The following RBFOX1 variants were observed in gnomAD, a reference collection of about 807,000 sequenced individuals.
RBFOX1 encodes RNA binding fox-1 homolog 1.
RBFOX1 carries 8 observed loss-of-function variants against 57.7 expected under a neutral mutation model. The observed-to-expected ratio is 0.14, with a 90% CI of 0.08 to 0.25. The LOEUF is 0.25. Among genes scored for constraint, RBFOX1 ranks in the 10% least tolerant of loss-of-function variants. The probability of loss-of-function intolerance (pLI) is 1.00; values close to 1 mark genes in which losing one functional copy is unlikely to be tolerated. For missense variants in RBFOX1, 611 were observed against 548.5 expected, an observed-to-expected ratio of 1.11 and a Z score of -1.14; for synonymous variants, 326 against 222.4, an observed-to-expected ratio of 1.47 and a Z score of -4.15.
At chr16:6,840,793 A>G (rs1377487134) in intron 3 of RBFOX1, among the ~76,000 whole-genome samples, 1 of 150,740 alleles carries the variant, frequency 6.6e-6, no homozygotes, top group Non-Finnish European at 1.5e-5. Context: ...AGGCTGAGGC[A>G]GGAGAATTGC....
In RBFOX1 at chr16:5,617,814, T is replaced by A. The variant is rs114294825; in HGVS notation, c.318+18853T>A. ...CCCAGGTCAGGTAGCCATTTATATT[T>A]AATAGAAGAATAGATGATGAGAGTG... is the stretch of plus-strand genomic sequence containing the variant. On this transcript the variant is annotated intron_variant, in intron 3 of 19. Coordinates refer to the RBFOX1 transcript ENST00000641259. Among the ~76,000 whole-genome samples, 963 of 152,300 alleles carry A rather than the reference T, an allele frequency of 6.3e-3. 6 individuals are homozygous for A. The highest frequency in any genetic ancestry group is 0.022 in the African/African-American group (914 of 41,536).
intron 4 of RBFOX1, among the ~76,000 whole-genome samples, chr16:7,479,826 T>A (rs928823245): frequency 6.6e-6 from 1 of 152,044 alleles, no homozygotes; most frequent in Admixed American, 6.6e-5. Flanking sequence ...ATGTGAAGAG[T>A]CTTCCCCAGA....
Position 6,558,624 on chromosome 16 carries a change from A to T in RBFOX1, c.-63-95979A>T, listed in dbSNP as rs1056595134. Among the ~76,000 whole-genome samples, 3 of 152,102 alleles carry T rather than the reference A, an allele frequency of 2.0e-5. 1 individual carries two copies. The highest frequency in any genetic ancestry group is 4.4e-5 in the Non-Finnish European group (3 of 68,010). ...TGGGGATATGGCAGTTGTCATGTCA[A>T]TGTCTAGAAAAATTGTCCCTTATAA... On this transcript the variant is annotated intron_variant, in intron 2 of 15. Coordinates refer to ENST00000550418, the MANE Select transcript of RBFOX1 (RefSeq NM_018723.4).
At position 5,339,893 on chromosome 16, in the gene RBFOX1, G is replaced by A. The variant is rs2064997020; in HGVS notation, c.219+99788G>A. On this transcript the variant is annotated intron_variant, in intron 1 of 2. Transcript: ENST00000585867. ...CCATAGAATCCAGGTTGGCTGCAGAGGTCATGGGAGGCCCGTTCCCAAAGC... is the reference window on the plus strand; with the variant it reads ...CCATAGAATCCAGGTTGGCTGCAGAAGTCATGGGAGGCCCGTTCCCAAAGC... 3.9e-5 allele frequency among the ~76,000 whole-genome samples: 6 copies of A among 152,220 alleles called. No homozygotes were observed. In the South Asian group the frequency reaches 1.2e-3, roughly 32 times the overall value.
intron 3 of RBFOX1, among the ~76,000 whole-genome samples, chr16:6,923,966 T>C (rs1430697412): frequency 6.6e-6 from 1 of 151,918 alleles, no homozygotes; most frequent in African/African-American, 2.4e-5. Context: ...AGTTAGGAGT[T>C]TGAGACCATC....
chr16:6,693,387 G>A (rs1339414766), intron 3 of RBFOX1, among the ~76,000 whole-genome samples: 1 of 136,510 alleles, frequency 7.3e-6, no homozygotes, highest in Non-Finnish European at 1.6e-5. Flanking sequence ...TACTCCACTA[G>A]AATCACCATC....
At chr16:6,167,366 C>T (rs964023137) in intron 1 of RBFOX1, among the ~76,000 whole-genome samples, 2 of 152,160 alleles carry the variant, frequency 1.3e-5, no homozygotes, top group Admixed American at 6.5e-5. Context: ...AGCTTGCCTT[C>T]GATTTTAAGC....
intron 3 of RBFOX1, among the ~76,000 whole-genome samples, chr16:6,998,292 A>G (rs1417634240): frequency 6.6e-6 from 1 of 152,186 alleles, no homozygotes; most frequent in Non-Finnish European, 1.5e-5. Context: ...TTAGGAGAGG[A>G]GACTGAAGGA....
chr16:7,397,514 G>A (rs937567439), intron 4 of RBFOX1, among the ~76,000 whole-genome samples: 1 of 152,168 alleles, frequency 6.6e-6, no homozygotes, highest in Non-Finnish European at 1.5e-5. Context: ...ACCCACTGGT[G>A]ACAGAGGGTC....
At chr16:6,690,147 G>C (rs1327945884) in intron 3 of RBFOX1, among the ~76,000 whole-genome samples, 1 of 152,084 alleles carries the variant, frequency 6.6e-6, no homozygotes, top group Non-Finnish European at 1.5e-5. Flanking sequence ...TCAGCCTCTA[G>C]CTTATAAGGA....
At chr16:6,271,868 T>G (rs1291337080) in intron 1 of RBFOX1, among the ~76,000 whole-genome samples, 1 of 152,090 alleles carries the variant, frequency 6.6e-6, no homozygotes, top group Non-Finnish European at 1.5e-5. Flanking sequence ...TCTACCAGAT[T>G]TAGAATGAAG....
At chr16:7,364,577 A>C (rs2097400300) in intron 4 of RBFOX1, among the ~76,000 whole-genome samples, 1 of 141,872 alleles carries the variant, frequency 7.0e-6, no homozygotes, top group African/African-American at 2.8e-5. Flanking sequence ...AAGAAGACCA[A>C]AAAAAAAAAA....
chr16:7,074,671 A>G (rs1013800342), intron 4 of RBFOX1, among the ~76,000 whole-genome samples: 2 of 152,240 alleles, frequency 1.3e-5, no homozygotes, highest in African/African-American at 4.8e-5. Context: ...AAGGAATAAA[A>G]GCTAAGATTT....
intron 4 of RBFOX1, among the ~76,000 whole-genome samples, chr16:7,205,411 G>C (rs541397193): frequency 6.6e-6 from 1 of 151,616 alleles, no homozygotes; most frequent in South Asian, 2.1e-4. Context: ...CCAGCTACTC[G>C]GGAGGCTAAG....
At chr16:6,115,431 C>A (rs1425671438) in intron 1 of RBFOX1, among the ~76,000 whole-genome samples, 1 of 129,956 alleles carries the variant, frequency 7.7e-6, no homozygotes, top group African/African-American at 3.9e-5. Context: ...GAATTGAAGC[C>A]ATATGCAGTA....
chr16:7,571,294 G>C (rs2092746574), intron 5 of RBFOX1, among the ~76,000 whole-genome samples: 1 of 152,096 alleles, frequency 6.6e-6, no homozygotes, highest in African/African-American at 2.4e-5. Flanking sequence ...CCTCAGTCTT[G>C]TCTCCCTAGG....
chr16:7,495,688 A>G (rs1054574737), intron 4 of RBFOX1, among the ~76,000 whole-genome samples: 5 of 152,080 alleles, frequency 3.3e-5, no homozygotes, highest in African/African-American at 7.3e-5. Flanking sequence ...AAGTTTTAAT[A>G]TAATTCCATC....
chr16:7,624,353 C>T (rs1402435331), intron 10 of RBFOX1, among the ~76,000 whole-genome samples: 3 of 152,148 alleles, frequency 2.0e-5, no homozygotes, highest in Non-Finnish European at 2.9e-5. Flanking sequence ...AAATTGTTCT[C>T]GAATAATTAT....
At chr16:7,129,938 C>T (rs932812806) in intron 4 of RBFOX1, among the ~76,000 whole-genome samples, 1 of 151,990 alleles carries the variant, frequency 6.6e-6, no homozygotes, top group African/African-American at 2.4e-5. Context: ...TTTCCATTTC[C>T]TGCTTCAAAT....
Sources: gnomAD v4.1 joint callset for allele counts (sites outside exome capture counted in the v4.1 genomes callset) on GRCh38, gnomAD v4.1.1 for gene constraint, MANE v1.5 for transcripts, NCBI Gene and HGNC (gene_info 2026-07-23, HGNC 2026-07-21) for gene names.